Variants in CCDC63 observed in about 807,000 individuals in gnomAD.
The protein encoded by CCDC63 is coiled-coil domain-containing protein 63.
Under a neutral mutation model 63.6 loss-of-function variants are expected in CCDC63, and 54 were observed. The ratio of observed to expected loss-of-function variants is 0.85; its 90% CI spans 0.68 to 1.07. The LOEUF (loss-of-function observed/expected upper bound fraction) is 1.07, where lower values mean the gene tolerates loss of function less well. Among genes scored for constraint, CCDC63 ranks in the 50% least tolerant of loss-of-function variants. The pLI is 0.00. For missense variants in CCDC63, 637 were observed against 689.6 expected, an observed-to-expected ratio of 0.92 and a Z score of 0.86; for synonymous variants, 253 against 266.1, an observed-to-expected ratio of 0.95 and a Z score of 0.48.
At chr12:110,870,059 C>G (rs1410807093) in intron 4 of CCDC63, among the ~76,000 whole-genome samples, 1 of 152,138 alleles carries the variant, frequency 6.6e-6, no homozygotes, top group Non-Finnish European at 1.5e-5. Flanking sequence ...TGATATGTTA[C>G]TATTAACTGA....
At chr12:110,855,247 TAGAACA>T (rs1307609967) in intron 3 of CCDC63, among the ~76,000 whole-genome samples, 1 of 152,174 alleles carries the variant, frequency 6.6e-6, no homozygotes, top group East Asian at 1.9e-4. Flanking sequence ...GAGATTTTGT[TAGAACA>T]AGAAAGTGTC....
chr12:110,897,973 C>A (rs899851254), intron 9 of CCDC63, among the ~76,000 whole-genome samples: 28 of 152,086 alleles, frequency 1.8e-4, no homozygotes, highest in African/African-American at 6.5e-4. Context: ...TCAGGTGGAT[C>A]ACCATTTTTT....
intron 10 of CCDC63, among the ~76,000 whole-genome samples, chr12:110,903,837 C>G (rs1334216635): frequency 6.7e-6 from 1 of 149,324 alleles, no homozygotes; most frequent in Non-Finnish European, 1.5e-5. Context: ...AAGCAAAGGC[C>G]TGGAGACTTG....
At chr12:110,850,593 T>C (rs1374188203) in intron 1 of CCDC63, among the ~76,000 whole-genome samples, 5 of 152,106 alleles carry the variant, frequency 3.3e-5, no homozygotes, top group Admixed American at 6.5e-5. Flanking sequence ...AATACAAAAT[T>C]AGCCGGGCAT....
intron 2 of CCDC63, 148 bp downstream of exon 2, chr12:110,853,111 C>A: frequency 1.1e-6 from 1 of 901,588 alleles, no homozygotes; most frequent in South Asian, 1.4e-5. Context: ...CAGAGACATC[C>A]AGTGACTCAC....
At chr12:110,860,384 G>A (rs970020050) in intron 4 of CCDC63, among the ~76,000 whole-genome samples, 1 of 152,104 alleles carries the variant, frequency 6.6e-6, no homozygotes, top group African/African-American at 2.4e-5. Context: ...GGTGTTTAAC[G>A]GCTCCCTAAG....
intron 1 of CCDC63, among the ~76,000 whole-genome samples, chr12:110,849,352 C>T (rs975719826): frequency 6.6e-6 from 1 of 152,166 alleles, no homozygotes; most frequent in African/African-American, 2.4e-5. Context: ...TAAATTTTTT[C>T]CTGTCTTTCC....
Position 110,899,128 on chromosome 12 carries a change from G to C in CCDC63, c.1342+3G>C. 2 of 1,606,706 alleles carry C rather than the reference G, an allele frequency of 1.2e-6. No individual in the cohort carries two copies. Among genetic ancestry groups the C allele is most frequent in the Non-Finnish European group, 1.7e-6 (2 of 1,176,184 alleles). ...CATCAACCTTCCGCAGTATTTTGGT[G>C]AGTCAAGCTGGGGCCCGTTGGAGTC... On this transcript the variant is annotated splice_donor_region_variant and intron_variant, in intron 10 of 11. Coordinates refer to ENST00000308208, the MANE Select transcript of CCDC63 (RefSeq NM_152591.3).
chr12:110,880,710 G>C (rs371123865), intron 6 of CCDC63, among the ~76,000 whole-genome samples: 1 of 50,434 alleles, frequency 2.0e-5, no homozygotes, highest in African/African-American at 7.4e-5. Flanking sequence ...GTGATATGGT[G>C]ATGGTGATGA....
chr12:110,889,997 C>CTTT lies in CCDC63; in HGVS notation c.1075-3076_1075-3074dup, dbSNP rs1329974035. On this transcript the variant is annotated intron_variant, in intron 8 of 11. Transcript: ENST00000308208. The surrounding 1 kb of genome is among the most constrained non-coding windows in gnomAD (Gnocchi z 4.1). ...TCACACGGACATAGCATTGTTTCAT[C>CTTT]TTTTTGGTAGAGTTCTTTCTGCTTT... is the stretch of plus-strand genomic sequence containing the variant. Among the ~76,000 whole-genome samples, 2 of 152,056 alleles carry CTTT rather than the reference C, an allele frequency of 1.3e-5. No homozygotes were observed. The highest frequency in any genetic ancestry group is 6.6e-5 in the Admixed American group (1 of 15,252).
chr12:110,897,823 T>C (rs1447261473), intron 9 of CCDC63, among the ~76,000 whole-genome samples: 1 of 150,318 alleles, frequency 6.7e-6, no homozygotes, highest in Non-Finnish European at 1.5e-5. Flanking sequence ...AATTTCCGTC[T>C]CCTGGATTCA....
chr12:110,886,112 C>G (rs2071275542), intron 8 of CCDC63, among the ~76,000 whole-genome samples: 1 of 152,174 alleles, frequency 6.6e-6, no homozygotes, highest in Non-Finnish European at 1.5e-5. Context: ...ATTGGCCAGG[C>G]ACAGTGGCTC....
intron 5 of CCDC63, among the ~76,000 whole-genome samples, chr12:110,874,461 C>T (rs1425807001): frequency 6.6e-6 from 1 of 152,142 alleles, no homozygotes; most frequent in African/African-American, 2.4e-5. Flanking sequence ...AAATTGCAAT[C>T]TGGCTTAAGA....
rs952489589 is a variant in CCDC63, at chr12:110,893,258, C to T, written c.1149+108C>T. 5 of 860,900 alleles carry T rather than the reference C, an allele frequency of 5.8e-6. No individual in the cohort carries two copies. In the African/African-American group the frequency reaches 8.2e-5, roughly 14 times the overall value. 53.3% of individuals were successfully genotyped at this position (860,900 alleles called of 1,614,324 possible). ...CGTCGGGCATCTGTCAGCTGCTTCT[C>T]AGGAGCAGTAAGAGGTCTGCCCCAT... On this transcript the variant is annotated intron_variant, in intron 9 of 11. Transcript: ENST00000308208.
intron 7 of CCDC63, 24 bp downstream of exon 7, chr12:110,881,320 G>A (rs780063592): frequency 6.2e-7 from 1 of 1,603,540 alleles, no homozygotes; most frequent in African/African-American, 1.3e-5. Context: ...GAGCAAGCTT[G>A]TGCTCTCTCA....
intron 4 of CCDC63, 96 bp from the exon 5 acceptor site, chr12:110,873,746 G>T (rs575035643): frequency 1.4e-6 from 2 of 1,479,182 alleles, no homozygotes; most frequent in African/African-American, 1.4e-5. Context: ...TACCCATACA[G>T]ATGCTATCTG....
intron 9 of CCDC63, among the ~76,000 whole-genome samples, chr12:110,897,877 C>T (rs2071434123): frequency 6.6e-6 from 1 of 151,928 alleles, no homozygotes; most frequent in South Asian, 2.1e-4. Context: ...ATTACAGGCA[C>T]ATGCCACCAT....
intron 5 of CCDC63, among the ~76,000 whole-genome samples, chr12:110,877,446 T>C (rs2071145368): frequency 6.6e-6 from 1 of 152,058 alleles, no homozygotes; most frequent in Non-Finnish European, 1.5e-5. Flanking sequence ...ACGCCTGACC[T>C]CACTCAGGTG....
chr12:110,872,762 A>G (rs1002327747), intron 4 of CCDC63, among the ~76,000 whole-genome samples: 3 of 152,126 alleles, frequency 2.0e-5, no homozygotes, highest in Admixed American at 2.0e-4. Context: ...AGTAGCTGAA[A>G]CTATAGGTGC....
Sources: allele counts gnomAD v4.1 joint callset (sites outside exome capture counted in the v4.1 genomes callset), GRCh38; gene constraint gnomAD v4.1.1; non-coding constraint Gnocchi (gnomAD v3.1); transcripts MANE v1.5; gene names NCBI Gene and HGNC (gene_info 2026-07-23, HGNC 2026-07-21).